GTF3A: variants seen among roughly 807,000 people sequenced by gnomAD.
GTF3A encodes transcription factor IIIA.
In GTF3A, 40 loss-of-function variants were observed where a neutral mutation model predicts 37.6. The observed-to-expected ratio is 1.06, with a 90% CI of 0.83 to 1.38. The LOEUF is 1.38. Among genes scored for constraint, GTF3A ranks in the 40% most tolerant of loss-of-function variants. The pLI, the probability that GTF3A is intolerant of heterozygous loss-of-function variation, is 0.00. For synonymous variants in GTF3A, 191 were observed against 166.7 expected (o/e 1.15, Z -1.12); for missense variants, 500 against 462.6 (o/e 1.08, Z -0.74).
Position 27,435,433 on chromosome 13 carries a change from G to A in GTF3A, c.934G>A (p.Val312Ile). 6.2e-7 allele frequency: 1 copy of A among 1,611,272 alleles called. No homozygotes were observed. Among genetic ancestry groups the A allele is most frequent in the Non-Finnish European group, 8.5e-7 (1 of 1,178,484 alleles). ...TCGTGTGTCTTCCTTATTCCCAAAG[G>A]TCAAAAAATCTCGTGAAAAACGGAG... Residue 312 changes from valine (V) to isoleucine (I), a missense_variant and splice_region_variant, in exon 9 of 9, where the codon GTC (valine) becomes ATC (isoleucine). Transcript: ENST00000381140.
chr13:27,435,414 G>T lies in GTF3A; in HGVS notation c.934-19G>T, dbSNP rs1205712440. The T allele has an allele frequency of 1.2e-6, 2 of 1,606,596 alleles. No homozygotes were observed. The highest frequency in any genetic ancestry group is 2.7e-5 in the African/African-American group (2 of 74,760). On this transcript the variant is annotated intron_variant, in intron 8 of 8. Transcript: ENST00000381140. ...TTTTGATTTTGAATTCTAATCGTGT[G>T]TCTTCCTTATTCCCAAAGGTCAAAA...
intron 4 of GTF3A, 100 bp downstream of exon 4, chr13:27,430,721 T>C (rs907777552): frequency 9.4e-6 from 7 of 745,858 alleles, no homozygotes; most frequent in Non-Finnish European, 1.4e-5. Context: ...TTTTGGCCAT[T>C]TGTATATCTT....
intron 6 of GTF3A, 101 bp from the exon 7 acceptor site, chr13:27,434,704 C>A: frequency 1.5e-6 from 1 of 646,768 alleles, no homozygotes; most frequent in Non-Finnish European, 2.7e-6. Flanking sequence ...ATATAGTGAT[C>A]AGGTTTCAGG....
chr13:27,432,378 T>C (rs1247594487), intron 4 of GTF3A, among the ~76,000 whole-genome samples: 4 of 152,216 alleles, frequency 2.6e-5, no homozygotes, highest in African/African-American at 4.8e-5. Flanking sequence ...TTAGGAAAGC[T>C]AGACACAAGT....
At chr13:27,431,244 A>G (rs1045977418) in intron 4 of GTF3A, among the ~76,000 whole-genome samples, 4 of 152,224 alleles carry the variant, frequency 2.6e-5, no homozygotes, top group Non-Finnish European at 5.9e-5. Context: ...TTTTTAAACC[A>G]GTGCCACCCT....
At position 27,424,701 on chromosome 13, in the gene GTF3A, C is replaced by G. The variant is rs1277658826; in HGVS notation, c.-37C>G. ...TCCCGGCACGTGTCTCGGCACGTGG[C>G]AGCGCGCCTGGCCCTGGGCTTGGAG... On this transcript the variant is annotated 5_prime_UTR_variant, in exon 1 of 9. Transcript: ENST00000381140. 4.4e-6 allele frequency: 6 copies of G among 1,351,274 alleles called. No individual in the cohort carries two copies. The African/African-American group carries it at 9.3e-5, about 21-fold the overall frequency. The allele number at this position is 1,351,274 out of a possible 1,614,324, so 83.7% of individuals were successfully genotyped here. A position where few individuals can be genotyped will look rare whatever the true frequency, so the allele number is the denominator to read the frequency against.
chr13:27,434,511 TGGG>T, intron 6 of GTF3A: 1 of 538,038 alleles, frequency 1.9e-6, no homozygotes, highest in South Asian at 2.5e-5. Context: ...CCCTGCATAC[TGGG>T]GGACAAGGAA....
intron 1 of GTF3A, 89 bp from the exon 2 acceptor site, chr13:27,427,003 G>A: frequency 1.4e-6 from 1 of 712,278 alleles, no homozygotes; most frequent in Non-Finnish European, 2.5e-6. Context: ...GAAGCCTGTG[G>A]CCTTAACACT....
At chr13:27,431,413 A>G (rs1253466427) in intron 4 of GTF3A, among the ~76,000 whole-genome samples, 1 of 152,238 alleles carries the variant, frequency 6.6e-6, no homozygotes, top group Non-Finnish European at 1.5e-5. Flanking sequence ...ATGAGTAGAT[A>G]AAGAAAACGT....
intron 2 of GTF3A, chr13:27,429,196 G>A (rs1405871065): frequency 2.0e-5 from 3 of 149,418 alleles, no homozygotes; most frequent in African/African-American, 7.4e-5. Flanking sequence ...CTGCCTCAGG[G>A]TTATCAGTGA....
chr13:27,429,012 G>A (rs764236767), intron 2 of GTF3A, among the ~76,000 whole-genome samples: 1 of 152,090 alleles, frequency 6.6e-6, no homozygotes, highest in Non-Finnish European at 1.5e-5. Flanking sequence ...GCCGGAGAGT[G>A]CACTTTCTGT....
In GTF3A at chr13:27,424,914, G is replaced by A; in HGVS notation, c.177G>A (p.Ala59=). 2 of 1,548,406 alleles carry A rather than the reference G, an allele frequency of 1.3e-6. No individual in the cohort carries two copies. Among genetic ancestry groups the A allele is most frequent in the East Asian group, 2.5e-5 (1 of 40,628 alleles). The change falls in exon 1 of 9, where the codon GCG becomes GCA. Residue 59 remains alanine (A), a synonymous_variant. Coordinates refer to ENST00000381140, the MANE Select transcript of GTF3A (RefSeq NM_002097.3). ...ACAGCAAAGCCTGGAAGCTTGACGC[G>A]CACCTGTGCAAGCACACGGGGGAGG...
intron 4 of GTF3A, 90 bp from the exon 5 acceptor site, chr13:27,432,641 G>T: frequency 1.9e-6 from 2 of 1,045,392 alleles, no homozygotes; most frequent in South Asian, 1.4e-5. Flanking sequence ...GCAAGACTTT[G>T]GTGGGAGAAA....
chr13:27,428,750 CTT>C (rs1298390782), intron 2 of GTF3A, among the ~76,000 whole-genome samples: 3 of 152,192 alleles, frequency 2.0e-5, no homozygotes, highest in Non-Finnish European at 2.9e-5. Context: ...AAGATGGGCT[CTT>C]TGTCTTGTGC....
intron 6 of GTF3A, 98 bp from the exon 7 acceptor site, chr13:27,434,707 G>A (rs1056653588): frequency 2.6e-5 from 17 of 660,048 alleles, no homozygotes; most frequent in African/African-American, 1.6e-4. Context: ...TAGTGATCAG[G>A]TTTCAGGCAC....
intron 4 of GTF3A, among the ~76,000 whole-genome samples, chr13:27,431,658 G>T (rs531165429): frequency 4.0e-4 from 61 of 152,228 alleles, no homozygotes; most frequent in African/African-American, 1.4e-3. Flanking sequence ...GGTGAGGGAT[G>T]AAAGACTACA....
intron 5 of GTF3A, among the ~76,000 whole-genome samples, chr13:27,433,170 TC>T (rs1273318114): frequency 1.3e-5 from 2 of 149,802 alleles, no homozygotes; most frequent in Non-Finnish European, 2.9e-5. Context: ...GCTTGGATAA[TC>T]GTGTGACATT....
At chr13:27,433,155 A>G (rs904991866) in intron 5 of GTF3A, among the ~76,000 whole-genome samples, 2 of 151,282 alleles carry the variant, frequency 1.3e-5, no homozygotes, top group South Asian at 2.1e-4. Flanking sequence ...TTGGCCATTC[A>G]CAAGGCTTGG....
At chr13:27,434,607 G>C in intron 6 of GTF3A, 198 bp from the exon 7 acceptor site, 1 of 580,978 alleles carries the variant, frequency 1.7e-6, no homozygotes, top group South Asian at 2.3e-5. Flanking sequence ...AACAATGACT[G>C]TGTGGCATTT....
Sources: gnomAD v4.1 joint callset for allele counts (sites outside exome capture counted in the v4.1 genomes callset) on GRCh38, gnomAD v4.1.1 for gene constraint, MANE v1.5 for transcripts, NCBI Gene and HGNC (gene_info 2026-07-23, HGNC 2026-07-21) for gene names.